ARNT: variants seen among roughly 807,000 people sequenced by gnomAD.
ARNT encodes the protein aryl hydrocarbon receptor nuclear translocator.
In ARNT, 30 loss-of-function variants were observed where a neutral mutation model predicts 105.0. The observed-to-expected ratio is 0.29, with a 90% CI of 0.21 to 0.39. The LOEUF is 0.39. Among genes scored for constraint, ARNT ranks in the 10% least tolerant of loss-of-function variants. ARNT has a pLI of 1.00. For synonymous variants in ARNT, 304 were observed against 344.0 expected, an observed-to-expected ratio of 0.88 and a Z score of 1.29; for missense variants, 748 against 978.7, an observed-to-expected ratio of 0.76 and a Z score of 3.15.
rs780458046 is a variant in ARNT, at chr1:150,849,209, AAAAG to A, written c.183-2906_183-2903del. Among the ~76,000 whole-genome samples the A allele has an allele frequency of 6.2e-4, 95 of 152,096 alleles. 2 individuals carry two copies. Among genetic ancestry groups the A allele is most frequent in the Non-Finnish European group, 7.2e-4 (49 of 68,014 alleles). On this transcript the variant is annotated intron_variant, in intron 3 of 21. Coordinates refer to ENST00000358595, the MANE Select transcript of ARNT (RefSeq NM_001668.4). ...CAAGAGTGAAAATCAGTCTCAAAAA[AAAAG>A]AAAGAAAGAAAATAAATAAATGATA...
intron 1 of ARNT, among the ~76,000 whole-genome samples, chr1:150,865,971 A>G (rs1386908375): frequency 6.7e-6 from 1 of 149,754 alleles, no homozygotes; most frequent in East Asian, 1.9e-4. Context: ...TTTTGAAGGC[A>G]TTACTCCAAA....
chr1:150,861,708 C>T (rs1022538261), intron 1 of ARNT, among the ~76,000 whole-genome samples: 4 of 152,170 alleles, frequency 2.6e-5, no homozygotes, highest in Non-Finnish European at 5.9e-5. Flanking sequence ...TGAGTCACCA[C>T]GCCCAGCCAG....
intron 2 of ARNT, among the ~76,000 whole-genome samples, chr1:150,854,391 C>G (rs587599220): frequency 1.5e-5 from 2 of 129,444 alleles, no homozygotes; most frequent in African/African-American, 5.7e-5. Flanking sequence ...AATCCCGTCT[C>G]TACAAAACAT....
rs201586805 is a variant in ARNT at position 150,813,338 on chromosome 1, G to A, written c.2114C>T (p.Ala705Val). 1.2e-6 allele frequency: 2 copies of A among 1,602,776 alleles called. No homozygotes were observed. Among genetic ancestry groups the A allele is most frequent in the South Asian group, 1.1e-5 (1 of 89,160 alleles). The change falls in exon 21 of 22, where the codon GCT (alanine) becomes GTT (valine). Residue 705 changes from alanine (A) to valine (V), a missense_variant and splice_region_variant. Transcript: ENST00000358595. ...TCCTGCAGTCTGTCCAGTCTCAGGA[G>A]CTAGAAATACAGCAAGGAAGAATAA... ...PSLTNRGSNFAPETGQTAGQF... is the reference protein window; with the variant it reads ...PSLTNRGSNFVPETGQTAGQF...
chr1:150,868,242 C>T, intron 1 of ARNT, among the ~76,000 whole-genome samples: 1 of 151,932 alleles, frequency 6.6e-6, no homozygotes, highest in East Asian at 1.9e-4. Context: ...ATCATTTGAG[C>T]TCAGGAATCC....
intron 1 of ARNT, among the ~76,000 whole-genome samples, chr1:150,861,036 C>T (rs999139411): frequency 6.6e-6 from 1 of 151,998 alleles, no homozygotes; most frequent in African/African-American, 2.4e-5. Context: ...TAGGGAAATG[C>T]AAATCAAAAC....
Position 150,814,058 on chromosome 1 carries a change from C to A in ARNT, c.2113+19G>T. Reference sequence around the variant, plus strand: ...AGTGGTGCGATTTTCCTGTTACTCTCCTTATGGTCTGGACTCACCAAAGTT... The same window carrying A: ...AGTGGTGCGATTTTCCTGTTACTCTACTTATGGTCTGGACTCACCAAAGTT... On this transcript the variant is annotated intron_variant, in intron 20 of 21. Coordinates refer to ENST00000358595, the MANE Select transcript of ARNT (RefSeq NM_001668.4). 1 of 1,612,934 alleles carries A rather than the reference C, an allele frequency of 6.2e-7. No homozygotes were observed. Among genetic ancestry groups the A allele is most frequent in the Non-Finnish European group, 8.5e-7 (1 of 1,179,484 alleles).
At chr1:150,855,302 C>T (rs1397066269) in intron 2 of ARNT, among the ~76,000 whole-genome samples, 2 of 152,028 alleles carry the variant, frequency 1.3e-5, no homozygotes, top group African/African-American at 4.8e-5. Flanking sequence ...TGCCTGTAAT[C>T]CCAGCACTTT....
At chr1:150,854,108 C>T (rs587705401) in intron 2 of ARNT, among the ~76,000 whole-genome samples, 2 of 152,250 alleles carry the variant, frequency 1.3e-5, no homozygotes, top group South Asian at 4.2e-4. Flanking sequence ...TTTTAAGAGA[C>T]AAGCTCTCAC....
chr1:150,829,522 A>T, intron 11 of ARNT: 1 of 599,296 alleles, frequency 1.7e-6, no homozygotes, highest in Non-Finnish European at 3.1e-6. Context: ...TTGATATGGT[A>T]CAAGTAACCA....
chr1:150,874,099 T>A (rs753553254), intron 1 of ARNT, among the ~76,000 whole-genome samples: 7 of 150,028 alleles, frequency 4.7e-5, no homozygotes, highest in Non-Finnish European at 8.9e-5. Context: ...AGGCATGGTG[T>A]CCCTAGTCCT....
chr1:150,863,189 C>G (rs766523151), intron 1 of ARNT, among the ~76,000 whole-genome samples: 1 of 151,668 alleles, frequency 6.6e-6, no homozygotes, highest in African/African-American at 2.4e-5. Context: ...CGGCAAAATC[C>G]CGTCTCTACT....
intron 3 of ARNT, among the ~76,000 whole-genome samples, chr1:150,851,346 C>T (rs1482441932): frequency 2.6e-5 from 4 of 152,280 alleles, no homozygotes; most frequent in East Asian, 1.9e-4. Flanking sequence ...GCCGCCACCC[C>T]GTCTGGGAGG....
At chr1:150,820,190 T>C (rs1656762456) in intron 14 of ARNT, among the ~76,000 whole-genome samples, 1 of 152,182 alleles carries the variant, frequency 6.6e-6, no homozygotes, top group African/African-American at 2.4e-5. Flanking sequence ...GCCTAAAATA[T>C]TTACTATCTA....
chr1:150,831,467 G>A (rs1557881997), intron 10 of ARNT: 1 of 197,338 alleles, frequency 5.1e-6, no homozygotes, highest in Non-Finnish European at 1.0e-5. Context: ...TTCTCTCAAA[G>A]TCTTGTTCCT....
rs764360746 is a variant in ARNT, at chr1:150,836,419, C to G, written c.561G>C (p.Val187=). ...CAGGAGTCACGGAGTCAGACACATA[C>G]ACCACCCTGCCTGTCTCACATGAGA... ...FIVSCETGRV[V]YVSDSVTPVL... is the part of the protein sequence containing the mutation. Residue 187 remains valine (V), a synonymous_variant, in exon 7 of 22, where the codon GTG becomes GTC. Coordinates refer to ENST00000358595, the MANE Select transcript of ARNT (RefSeq NM_001668.4). 10 of 1,614,020 alleles carry G rather than the reference C, an allele frequency of 6.2e-6. No individual in the cohort carries two copies. Among genetic ancestry groups the G allele is most frequent in the Non-Finnish European group, 7.6e-6 (9 of 1,180,022 alleles).
chr1:150,825,458 T>C (rs1031099728), intron 13 of ARNT, among the ~76,000 whole-genome samples: 9 of 152,174 alleles, frequency 5.9e-5, no homozygotes, highest in Admixed American at 2.0e-4. Flanking sequence ...TCAAAAGCCA[T>C]GTCTATAAAA....
chr1:150,816,728 TGGA>T, intron 18 of ARNT, 57 bp downstream of exon 18: 1 of 1,469,960 alleles, frequency 6.8e-7, no homozygotes, highest in South Asian at 1.4e-5. Context: ...GAATAAAATT[TGGA>T]TTCAGCAGCT....
intron 4 of ARNT, among the ~76,000 whole-genome samples, chr1:150,845,421 T>C (rs1396647816): frequency 6.7e-6 from 1 of 149,048 alleles, no homozygotes; most frequent in Non-Finnish European, 1.5e-5. Context: ...GCCAACATGG[T>C]GAAACCCCAT....
Sources: gnomAD v4.1 joint callset for allele counts (sites outside exome capture counted in the v4.1 genomes callset) on GRCh38, gnomAD v4.1.1 for gene constraint, MANE v1.5 for transcripts, NCBI Gene and HGNC (gene_info 2026-07-23, HGNC 2026-07-21) for gene names.